FARP1: variants seen among roughly 807,000 people sequenced by gnomAD.
The protein encoded by FARP1 is FERM, ARH/RhoGEF and pleckstrin domain protein 1.
Under a neutral mutation model 128.8 loss-of-function variants are expected in FARP1, and 52 were observed. The ratio of observed to expected loss-of-function variants is 0.40; its 90% CI spans 0.32 to 0.51. FARP1 has a LOEUF of 0.51. FARP1 is among the 20% of genes least tolerant of loss of function. The pLI, the probability that FARP1 is intolerant of heterozygous loss-of-function variation, is 0.45. For missense variants in FARP1, 1,333 were observed against 1,367.9 expected (o/e 0.97, Z 0.40); for synonymous variants, 580 against 551.8 (o/e 1.05, Z -0.72).
intron 13 of FARP1, chr13:98,404,550 G>A (rs1445127329): frequency 2.6e-5 from 4 of 152,140 alleles, no homozygotes; most frequent in Non-Finnish European, 4.4e-5. Context: ...TCCTCTTAGA[G>A]CGTATGGATT....
intron 1 of FARP1, among the ~76,000 whole-genome samples, chr13:98,174,347 G>C (rs9513370): frequency 0.24 from 36,815 of 152,186 alleles, 4,626 homozygotes; most frequent in Middle Eastern, 0.35. Context: ...GCTGAGTCCA[G>C]TGTCTAGGAA....
intron 2 of FARP1, among the ~76,000 whole-genome samples, chr13:98,320,536 C>T (rs1886944325): frequency 6.6e-6 from 1 of 152,168 alleles, no homozygotes; most frequent in Admixed American, 6.5e-5. Flanking sequence ...CATAACACCT[C>T]ATGGAGATAC....
intron 16 of FARP1, among the ~76,000 whole-genome samples, chr13:98,423,105 A>T (rs932751112): frequency 3.3e-5 from 5 of 152,176 alleles, no homozygotes; most frequent in African/African-American, 1.2e-4. Context: ...AGGCCAGTCT[A>T]GTCTTTCCAT....
intron 18 of FARP1, chr13:98,432,455 G>C (rs6491426): frequency 0.91 from 138,805 of 152,328 alleles, 63,407 homozygotes; most frequent in East Asian, 0.99. Context: ...GGAAGTCGTT[G>C]TGTCTGGTGT....
At chr13:98,247,234 T>C (rs1336412534) in intron 2 of FARP1, among the ~76,000 whole-genome samples, 1 of 152,062 alleles carries the variant, frequency 6.6e-6, no homozygotes, top group African/African-American at 2.4e-5. Context: ...GGTGAGACTC[T>C]GTCTCCAAAA....
chr13:98,372,097 T>C (rs1889362929), intron 5 of FARP1, among the ~76,000 whole-genome samples: 1 of 146,348 alleles, frequency 6.8e-6, no homozygotes, highest in Admixed American at 6.8e-5. Flanking sequence ...TTTTTTTTTT[T>C]TTTTTTGGCG....
At position 98,201,207 on chromosome 13, in the gene FARP1, C is replaced by T. The variant is rs568426008; in HGVS notation, c.-23-12013C>T. Among the ~76,000 whole-genome samples the T allele has an allele frequency of 7.2e-5, 11 of 152,302 alleles. No individual in the cohort carries two copies. The South Asian group carries it at 2.3e-3, about 32-fold the overall frequency. ...CCTGTACTCCCAGCACTTCGGGAGG[C>T]CAAGGTGAGCAGATCCCTAAAGTCT... On this transcript the variant is annotated intron_variant, in intron 1 of 26. Transcript: ENST00000319562.
At chr13:98,435,939 A>AT (rs1410973368) in intron 19 of FARP1, 4 of 602,672 alleles carry the variant, frequency 6.6e-6, no homozygotes, top group African/African-American at 1.8e-5. Flanking sequence ...TTACGGGGTG[A>AT]TTCGCTTCTT....
At chr13:98,349,331 G>A (rs1330735226) in intron 3 of FARP1, among the ~76,000 whole-genome samples, 1 of 152,040 alleles carries the variant, frequency 6.6e-6, no homozygotes, top group African/African-American at 2.4e-5. Flanking sequence ...TTTCATTTTT[G>A]CAATCTAACT....
At chr13:98,245,783 T>C (rs1215247057) in intron 2 of FARP1, among the ~76,000 whole-genome samples, 1 of 152,172 alleles carries the variant, frequency 6.6e-6, no homozygotes, top group Non-Finnish European at 1.5e-5. Context: ...CTTTTTTTTA[T>C]TTGGAGAGGG....
At chr13:98,335,924 T>C (rs1293534192) in intron 2 of FARP1, among the ~76,000 whole-genome samples, 2 of 152,210 alleles carry the variant, frequency 1.3e-5, no homozygotes, top group Non-Finnish European at 2.9e-5. Flanking sequence ...ATGGTTACGC[T>C]AATCCCAAAA....
At chr13:98,310,583 TG>T (rs1388083988) in intron 2 of FARP1, among the ~76,000 whole-genome samples, 9 of 152,160 alleles carry the variant, frequency 5.9e-5, no homozygotes, top group Non-Finnish European at 1.3e-4. Flanking sequence ...CATTTGGAGA[TG>T]GGGTAGATAT....
intron 2 of FARP1, among the ~76,000 whole-genome samples, chr13:98,279,408 A>C (rs998501246): frequency 6.6e-6 from 1 of 152,224 alleles, no homozygotes; most frequent in Non-Finnish European, 1.5e-5. Flanking sequence ...TCCCCCTTGC[A>C]TATGCCATTT....
At chr13:98,227,257 T>C (rs1881849857) in intron 2 of FARP1, among the ~76,000 whole-genome samples, 1 of 152,206 alleles carries the variant, frequency 6.6e-6, no homozygotes, top group Non-Finnish European at 1.5e-5. Context: ...GTTGCATTTC[T>C]AACGTTCATG....
chr13:98,209,386 C>T (rs1164517630), intron 1 of FARP1, among the ~76,000 whole-genome samples: 3 of 150,082 alleles, frequency 2.0e-5, no homozygotes, highest in Non-Finnish European at 2.9e-5. Context: ...CAGTGAGCCA[C>T]GTGTGGAGAC....
At chr13:98,420,499 A>G (rs1891554386) in intron 16 of FARP1, among the ~76,000 whole-genome samples, 1 of 152,202 alleles carries the variant, frequency 6.6e-6, no homozygotes, top group African/African-American at 2.4e-5. Flanking sequence ...GAGGTCAGGA[A>G]GACTTGAAAA....
intron 2 of FARP1, among the ~76,000 whole-genome samples, chr13:98,272,151 TC>T: frequency 6.6e-6 from 1 of 152,120 alleles, no homozygotes; most frequent in Non-Finnish European, 1.5e-5. Context: ...TGCCTCAGCC[TC>T]CCAAGTACCT....
Position 98,281,754 on chromosome 13 carries a change from C to T in FARP1, c.172-62008C>T, listed in dbSNP as rs1402828177. Among the ~76,000 whole-genome samples, 13 of 152,150 alleles carry T rather than the reference C, an allele frequency of 8.5e-5. No homozygotes were observed. In the East Asian group the frequency reaches 1.9e-3, roughly 23 times the overall value. ...GATATTCCTCAGCTGTTATGAACTG[C>T]GAGGCCCTCTGATTATTCCAAGAAT... On this transcript the variant is annotated intron_variant, in intron 2 of 26. Coordinates refer to ENST00000319562, the MANE Select transcript of FARP1 (RefSeq NM_005766.4).
Position 98,143,420 on chromosome 13 carries a change from G to A in FARP1, c.-96G>A. 6.6e-6 allele frequency: 1 copy of A among 150,682 alleles called. No homozygotes were observed. Among genetic ancestry groups the A allele is most frequent in the South Asian group, 1.9e-4 (1 of 5,370 alleles). 9.3% of individuals were successfully genotyped at this position (150,682 alleles called of 1,614,324 possible). On this transcript the variant is annotated 5_prime_UTR_variant, in exon 1 of 27. Transcript: ENST00000319562. Reference sequence around the variant, plus strand: ...CGGCGCCGCCGCGCCCTCGGCCGCCGGGGGCTTGGGAGCCGCCGATCCCGG... The same window carrying A: ...CGGCGCCGCCGCGCCCTCGGCCGCCAGGGGCTTGGGAGCCGCCGATCCCGG...
Sources: allele counts gnomAD v4.1 joint callset (sites outside exome capture counted in the v4.1 genomes callset), GRCh38; gene constraint gnomAD v4.1.1; transcripts MANE v1.5; gene names NCBI Gene and HGNC (gene_info 2026-07-23, HGNC 2026-07-21).